FHIT: variants seen among roughly 807,000 people sequenced by gnomAD.
FHIT encodes fragile histidine triad diadenosine triphosphatase, also known as bis(5'-adenosyl)-triphosphatase.
A neutral mutation model predicts 17.9 loss-of-function variants in FHIT; 19 were observed. The ratio of observed to expected loss-of-function variants is 1.06; its 90% confidence interval spans 0.74 to 1.56. The LOEUF (loss-of-function observed/expected upper bound fraction) is 1.56, where lower values mean the gene tolerates loss of function less well. Ranked by LOEUF, FHIT falls within the 40% of genes most tolerant of loss-of-function variation. The pLI, the probability that FHIT is intolerant of heterozygous loss-of-function variation, is 0.00. For synonymous variants in FHIT, 81 were observed against 69.7 expected, an observed-to-expected ratio of 1.16 and a Z score of -0.81; for missense variants, 248 against 189.2, an observed-to-expected ratio of 1.31 and a Z score of -1.82.
chr3:59,949,936 A>G (rs1218761329), intron 7 of FHIT, among the ~76,000 whole-genome samples: 1 of 152,208 alleles, frequency 6.6e-6, no homozygotes, highest in Non-Finnish European at 1.5e-5. Context: ...ACAATGAGCT[A>G]CCTGAGCTTT....
chr3:59,846,433 A>G (rs911902368), intron 8 of FHIT, among the ~76,000 whole-genome samples: 1 of 152,136 alleles, frequency 6.6e-6, no homozygotes, highest in Non-Finnish European at 1.5e-5. Flanking sequence ...TTACATCTAT[A>G]TATCTTGACT....
intron 3 of FHIT, among the ~76,000 whole-genome samples, chr3:60,857,275 G>T (rs1462069464): frequency 2.0e-5 from 3 of 151,988 alleles, no homozygotes; most frequent in African/African-American, 7.3e-5. Context: ...TAATGGCTGG[G>T]GTATACCTTT....
At chr3:60,139,724 G>A (rs574721486) in intron 5 of FHIT, among the ~76,000 whole-genome samples, 1 of 151,982 alleles carries the variant, frequency 6.6e-6, no homozygotes, top group Non-Finnish European at 1.5e-5. Flanking sequence ...CCAGAAATAC[G>A]TGTTGTATGG....
chr3:60,333,557 T>C (rs1430323014), intron 5 of FHIT, among the ~76,000 whole-genome samples: 1 of 151,996 alleles, frequency 6.6e-6, no homozygotes, highest in Non-Finnish European at 1.5e-5. Flanking sequence ...TTATAGCAAA[T>C]TTAAAAAGAA....
At chr3:60,052,806 A>G (rs942779694) in intron 5 of FHIT, among the ~76,000 whole-genome samples, 20 of 148,554 alleles carry the variant, frequency 1.3e-4, no homozygotes, top group Admixed American at 2.7e-4. Context: ...TATAAAATAT[A>G]TAAGTATATA....
intron 4 of FHIT, among the ~76,000 whole-genome samples, chr3:60,541,646 C>T (rs751838810): frequency 6.6e-6 from 1 of 152,182 alleles, no homozygotes; most frequent in Non-Finnish European, 1.5e-5. Flanking sequence ...AGTAACAATG[C>T]CACTTTCTTT....
intron 1 of FHIT, among the ~76,000 whole-genome samples, chr3:61,221,374 T>G (rs2039833394): frequency 1.3e-5 from 2 of 152,228 alleles, no homozygotes; most frequent in Non-Finnish European, 2.9e-5. Flanking sequence ...AGGTTCATCT[T>G]GGGGAGAAAC....
chr3:59,997,129 G>C (rs1481467236), intron 7 of FHIT, among the ~76,000 whole-genome samples: 1 of 152,130 alleles, frequency 6.6e-6, no homozygotes. Context: ...GCCCTCATGT[G>C]ATTCTAGGCA....
chr3:59,804,561 G>T (rs528262738), intron 8 of FHIT, among the ~76,000 whole-genome samples: 1 of 152,342 alleles, frequency 6.6e-6, no homozygotes, highest in South Asian at 2.1e-4. Context: ...CCCCGTTACA[G>T]AATTTTTGGG....
intron 5 of FHIT, among the ~76,000 whole-genome samples, chr3:60,302,402 C>T (rs902500372): frequency 2.6e-5 from 4 of 152,018 alleles, no homozygotes; most frequent in Non-Finnish European, 5.9e-5. Context: ...TTTCTCCTAT[C>T]TTAGGGCCTC....
In FHIT at chr3:61,145,244, T is replaced by A. The variant is rs567984691; in HGVS notation, c.-164+55373A>T. Among the ~76,000 whole-genome samples, 5 of 152,256 alleles carry A rather than the reference T, an allele frequency of 3.3e-5. No individual in the cohort carries two copies. In the South Asian group the frequency reaches 8.3e-4, roughly 25 times the overall value. ...GTGAGGTACAAGTCCTAATTCATTC[T>A]TTGCATGTAGACATCCCCAGTTGTC... On this transcript the variant is annotated intron_variant, in intron 2 of 9. Coordinates refer to ENST00000492590, the MANE Select transcript of FHIT (RefSeq NM_002012.4).
chr3:60,955,611 T>TACAC (rs1423002899), intron 3 of FHIT, among the ~76,000 whole-genome samples: 2 of 16,896 alleles, frequency 1.2e-4, no homozygotes, highest in African/African-American at 2.5e-4. Flanking sequence ...TATATATATA[T>TACAC]ATATATATAT....
intron 8 of FHIT, among the ~76,000 whole-genome samples, chr3:59,915,872 T>C (rs1280760406): frequency 1.3e-5 from 2 of 149,298 alleles, no homozygotes; most frequent in East Asian, 2.0e-4. Context: ...TTTGAGGCTG[T>C]AGTGAGCTAT....
chr3:60,402,640 A>T (rs920295810), intron 5 of FHIT, among the ~76,000 whole-genome samples: 3 of 152,234 alleles, frequency 2.0e-5, no homozygotes, highest in Admixed American at 2.0e-4. Flanking sequence ...TTTGCAAATT[A>T]TCTAAGTTTC....
At chr3:60,118,689 C>T (rs9847682) in intron 5 of FHIT, among the ~76,000 whole-genome samples, 40,422 of 143,494 alleles carry the variant, frequency 0.28, 6,220 homozygotes, top group Non-Finnish European at 0.36. Flanking sequence ...CTTGCTTGGG[C>T]AATAAACTAG....
chr3:60,144,568 T>C (rs183394562), intron 5 of FHIT, among the ~76,000 whole-genome samples: 15 of 152,302 alleles, frequency 9.8e-5, no homozygotes, highest in Admixed American at 9.2e-4. Flanking sequence ...GAACATTTTC[T>C]CAGTTAACTG....
At chr3:60,911,338 C>T (rs1288529827) in intron 3 of FHIT, among the ~76,000 whole-genome samples, 5 of 150,804 alleles carry the variant, frequency 3.3e-5, no homozygotes, top group East Asian at 2.0e-4. Flanking sequence ...AATACTTATT[C>T]GCCACTGAGA....
At chr3:60,052,369 A>G (rs533991911) in intron 5 of FHIT, among the ~76,000 whole-genome samples, 8 of 152,216 alleles carry the variant, frequency 5.3e-5, no homozygotes, top group Middle Eastern at 6.8e-3. Flanking sequence ...GTCATGTACT[A>G]AAGGGAATCC....
At chr3:61,020,020 C>A (rs1428425574) in intron 3 of FHIT, among the ~76,000 whole-genome samples, 2 of 152,170 alleles carry the variant, frequency 1.3e-5, no homozygotes, top group Non-Finnish European at 2.9e-5. Flanking sequence ...CCCCTAGCCC[C>A]ACAAACCCTG....
Sources: gnomAD v4.1 joint callset for allele counts (sites outside exome capture counted in the v4.1 genomes callset) on GRCh38, gnomAD v4.1.1 for gene constraint, MANE v1.5 for transcripts, NCBI Gene and HGNC (gene_info 2026-07-23, HGNC 2026-07-21) for gene names.